KLHL32: variants seen among roughly 807,000 people sequenced by gnomAD.
The protein encoded by KLHL32 is kelch-like protein 32.
In KLHL32, 35 loss-of-function variants were observed where a neutral mutation model predicts 64.8. That is an observed-to-expected ratio of 0.54 (90% confidence interval 0.41 to 0.72). The LOEUF is 0.72. KLHL32 is among the 30% of genes least tolerant of loss of function. The pLI is 0.00. For synonymous variants in KLHL32, 259 were observed against 281.0 expected (o/e 0.92, Z 0.78); for missense variants, 589 against 768.5 (o/e 0.77, Z 2.76).
At chr6:97,051,472 C>T (rs1203692424) in intron 4 of KLHL32, among the ~76,000 whole-genome samples, 1 of 152,158 alleles carries the variant, frequency 6.6e-6, no homozygotes, top group African/African-American at 2.4e-5. Context: ...GTAGATCAAC[C>T]CTCCTAGTTA....
At chr6:96,975,490 T>C (rs1775593278) in intron 2 of KLHL32, among the ~76,000 whole-genome samples, 1 of 152,208 alleles carries the variant, frequency 6.6e-6, no homozygotes, top group African/African-American at 2.4e-5. Context: ...TAACATTTGC[T>C]CAGTTTTCTT....
At chr6:97,100,929 A>G (rs1414768711) in intron 6 of KLHL32, among the ~76,000 whole-genome samples, 1 of 141,422 alleles carries the variant, frequency 7.1e-6, no homozygotes, top group Non-Finnish European at 1.5e-5. Flanking sequence ...CAGACTCCCA[A>G]GTAGCTGGAC....
the KLHL32 span, among the ~76,000 whole-genome samples, chr6:96,908,149 G>A: frequency 6.6e-6 from 1 of 152,194 alleles, no homozygotes; most frequent in East Asian, 1.9e-4. Flanking sequence ...GCTACCAATG[G>A]TAGAGTTGTG....
chr6:96,901,858 A>G, the KLHL32 span, among the ~76,000 whole-genome samples: 1 of 152,170 alleles, frequency 6.6e-6, no homozygotes, highest in Admixed American at 6.5e-5. Context: ...TTCCTGTGTT[A>G]GTTTGCTAAA....
chr6:97,080,148 C>T (rs1562314267), intron 5 of KLHL32, among the ~76,000 whole-genome samples: 1 of 152,106 alleles, frequency 6.6e-6, no homozygotes, highest in Non-Finnish European at 1.5e-5. Flanking sequence ...TTATATTATA[C>T]TTGTTCAGTA....
rs542053327 is a variant in KLHL32 at position 97,014,910 on chromosome 6, C to T, written c.205-26582C>T. On this transcript the variant is annotated intron_variant, in intron 3 of 10. Coordinates refer to ENST00000369261, the MANE Select transcript of KLHL32 (RefSeq NM_052904.4). ...CCAAATCTCATCTCGAATTTTAATC[C>T]CCATAATCCCCATTTGTCAGGGGAA... Among the ~76,000 whole-genome samples the T allele has an allele frequency of 1.8e-4, 27 of 152,220 alleles. 1 individual carries two copies. The highest frequency in any genetic ancestry group is 6.3e-4 in the African/African-American group (26 of 41,530).
At chr6:97,008,433 C>G (rs544438775) in intron 3 of KLHL32, among the ~76,000 whole-genome samples, 1 of 152,248 alleles carries the variant, frequency 6.6e-6, no homozygotes, top group South Asian at 2.1e-4. Flanking sequence ...GAAGACCACC[C>G]TGCTGTGTCC....
intron 3 of KLHL32, among the ~76,000 whole-genome samples, chr6:97,013,563 C>A (rs983600193): frequency 6.6e-6 from 1 of 152,194 alleles, no homozygotes; most frequent in Non-Finnish European, 1.5e-5. Flanking sequence ...CACACACATA[C>A]ACACATGTAC....
chr6:96,990,354 G>A lies in KLHL32; in HGVS notation c.204+14177G>A, dbSNP rs191789766. Among the ~76,000 whole-genome samples, 189 of 152,256 alleles carry A rather than the reference G, an allele frequency of 1.2e-3. 1 individual carries two copies. The highest frequency in any genetic ancestry group is 4.4e-3 in the African/African-American group (181 of 41,542). On this transcript the variant is annotated intron_variant, in intron 3 of 10. Coordinates refer to ENST00000369261, the MANE Select transcript of KLHL32 (RefSeq NM_052904.4). ...TTGTTTTTATGGGGGTGGGGGTTATGTTAGCAAGTATTTTTGGTGTTGAAG... is the reference window on the plus strand; with the variant it reads ...TTGTTTTTATGGGGGTGGGGGTTATATTAGCAAGTATTTTTGGTGTTGAAG...
At chr6:97,125,212 TC>T (rs1798752836) in intron 7 of KLHL32, among the ~76,000 whole-genome samples, 1 of 152,204 alleles carries the variant, frequency 6.6e-6, no homozygotes, top group Admixed American at 6.5e-5. Context: ...AGATATAATC[TC>T]CCTCCTGGGG....
chr6:96,957,496 A>G (rs930321906), intron 1 of KLHL32, among the ~76,000 whole-genome samples: 1 of 152,228 alleles, frequency 6.6e-6, no homozygotes, highest in African/African-American at 2.4e-5. Context: ...GTCATCTATA[A>G]AGATGAAGAT....
chr6:96,926,649 C>T (rs983936414), intron 1 of KLHL32, among the ~76,000 whole-genome samples: 2 of 152,134 alleles, frequency 1.3e-5, no homozygotes, highest in African/African-American at 4.8e-5. Context: ...AGGAGTGGAG[C>T]AGGCCTAGAC....
chr6:97,017,887 G>A (rs1332199628), intron 3 of KLHL32, among the ~76,000 whole-genome samples: 1 of 152,122 alleles, frequency 6.6e-6, no homozygotes, highest in Non-Finnish European at 1.5e-5. Flanking sequence ...GCAGAGCCCC[G>A]TGATGGAAGG....
At chr6:96,902,373 G>A in the KLHL32 span, among the ~76,000 whole-genome samples, 2 of 152,044 alleles carry the variant, frequency 1.3e-5, no homozygotes, top group Non-Finnish European at 2.9e-5. Context: ...TTTTTTTCAT[G>A]TTTGTTGGCT....
At chr6:97,069,654 C>T (rs186177250) in intron 5 of KLHL32, among the ~76,000 whole-genome samples, 70 of 152,238 alleles carry the variant, frequency 4.6e-4, no homozygotes, top group African/African-American at 1.7e-3. Flanking sequence ...CCTCCCTTCA[C>T]ATCGTGGGAG....
chr6:96,913,701 A>C, the KLHL32 span, among the ~76,000 whole-genome samples: 3 of 152,178 alleles, frequency 2.0e-5, no homozygotes, highest in Non-Finnish European at 4.4e-5. Context: ...AAAAATTTTG[A>C]AAGAAAGTAA....
intron 3 of KLHL32, among the ~76,000 whole-genome samples, chr6:97,014,406 CTA>C (rs1780858058): frequency 1.3e-5 from 2 of 151,408 alleles, no homozygotes; most frequent in Admixed American, 6.6e-5. Context: ...TATAGTATGT[CTA>C]TATAATTTAT....
chr6:96,935,066 C>G (rs1250509027), intron 1 of KLHL32, among the ~76,000 whole-genome samples: 1 of 152,140 alleles, frequency 6.6e-6, no homozygotes, highest in Non-Finnish European at 1.5e-5. Flanking sequence ...TGCCATTAGA[C>G]AACTTGGAAG....
chr6:96,948,914 T>A (rs1046127845), intron 1 of KLHL32, among the ~76,000 whole-genome samples: 2 of 152,202 alleles, frequency 1.3e-5, no homozygotes, highest in African/African-American at 4.8e-5. Context: ...AATTCAAACA[T>A]TTCTGAAATT....
Sources: gnomAD v4.1 joint callset for allele counts (sites outside exome capture counted in the v4.1 genomes callset) on GRCh38, gnomAD v4.1.1 for gene constraint, MANE v1.5 for transcripts, NCBI Gene and HGNC (gene_info 2026-07-23, HGNC 2026-07-21) for gene names.